The following GRIK2 variants were observed in gnomAD, a reference collection of about 807,000 sequenced individuals.
GRIK2 encodes the protein glutamate receptor ionotropic, kainate 2.
In GRIK2, 32 loss-of-function variants were observed where a neutral mutation model predicts 100.3. The observed-to-expected ratio is 0.32, with a 90% CI of 0.24 to 0.43. The LOEUF is 0.43. Ranked by LOEUF, GRIK2 falls within the 20% of genes least tolerant of loss-of-function variation. The pLI, the probability that GRIK2 is intolerant of heterozygous loss-of-function variation, is 1.00. For missense variants in GRIK2, 843 were observed against 1,114.9 expected, an observed-to-expected ratio of 0.76 and a Z score of 3.47; for synonymous variants, 417 against 389.4, an observed-to-expected ratio of 1.07 and a Z score of -0.83.
At chr6:102,034,257 G>A (rs994559423) in intron 14 of GRIK2, among the ~76,000 whole-genome samples, 1 of 151,202 alleles carries the variant, frequency 6.6e-6, no homozygotes, top group Non-Finnish European at 1.5e-5. Context: ...TTGAAACAGT[G>A]CCAGGATTTT....
intron 14 of GRIK2, among the ~76,000 whole-genome samples, chr6:101,998,278 T>C (rs1179410415): frequency 1.3e-5 from 2 of 152,154 alleles, no homozygotes; most frequent in Non-Finnish European, 2.9e-5. Flanking sequence ...TGGACCACAG[T>C]TGACTGCAGG....
chr6:102,026,664 C>G (rs7749722), intron 14 of GRIK2, among the ~76,000 whole-genome samples: 41,254 of 150,964 alleles, frequency 0.27, 6,003 homozygotes, highest in East Asian at 0.34. Context: ...GCTGCCTATC[C>G]TATTATGCTT....
Position 102,056,445 on chromosome 6 carries a change from T to C in GRIK2, c.2562+865T>C, listed in dbSNP as rs572783055. Among the ~76,000 whole-genome samples, 3 of 152,072 alleles carry C rather than the reference T, an allele frequency of 2.0e-5. No homozygotes were observed. The South Asian group carries it at 6.2e-4, about 32-fold the overall frequency. The stretch of plus-strand genomic sequence containing the variant: ...GCTCTGGATATGACAAAACCAACAG[T>C]TTAAAGTCTTCTAGTACATTATTTA... On this transcript the variant is annotated intron_variant, in intron 16 of 16. Coordinates refer to ENST00000369134, the MANE Select transcript of GRIK2 (RefSeq NM_021956.5).
At chr6:101,674,856 A>C (rs1045717440) in intron 4 of GRIK2, among the ~76,000 whole-genome samples, 1 of 152,194 alleles carries the variant, frequency 6.6e-6, no homozygotes, top group African/African-American at 2.4e-5. Flanking sequence ...TTAAAACAAA[A>C]TATACCAAGT....
chr6:101,988,606 G>A (rs1451490495), intron 14 of GRIK2, among the ~76,000 whole-genome samples: 1 of 151,732 alleles, frequency 6.6e-6, no homozygotes, highest in Non-Finnish European at 1.5e-5. Flanking sequence ...TTGCCTCATA[G>A]GCTTATCAGT....
chr6:102,059,618 T>C (rs1401501962), intron 16 of GRIK2, among the ~76,000 whole-genome samples: 2 of 151,122 alleles, frequency 1.3e-5, no homozygotes, highest in Non-Finnish European at 1.5e-5. Context: ...ATATTTATAA[T>C]ATGTTGGCTT....
intron 7 of GRIK2, among the ~76,000 whole-genome samples, chr6:101,719,590 G>A (rs1774330354): frequency 6.6e-6 from 1 of 151,938 alleles, no homozygotes; most frequent in Admixed American, 6.6e-5. Flanking sequence ...AGTTCAGTGG[G>A]CAGTTAGATG....
chr6:102,064,689 T>C (rs1286419739), intron 16 of GRIK2, among the ~76,000 whole-genome samples: 1 of 151,162 alleles, frequency 6.6e-6, no homozygotes, highest in Non-Finnish European at 1.5e-5. Context: ...TTTTGGGCAA[T>C]GTACAGCACA....
chr6:101,447,131 A>C (rs1411291601), intron 2 of GRIK2, among the ~76,000 whole-genome samples: 1 of 151,028 alleles, frequency 6.6e-6, no homozygotes, highest in African/African-American at 2.4e-5. Flanking sequence ...CATTTACTTT[A>C]ATAATAATAG....
intron 10 of GRIK2, among the ~76,000 whole-genome samples, chr6:101,851,625 T>C (rs1223349382): frequency 6.6e-6 from 1 of 151,990 alleles, no homozygotes; most frequent in East Asian, 1.9e-4. Flanking sequence ...GTGCTTTTAT[T>C]TAGAAATGAG....
intron 11 of GRIK2, chr6:101,860,769 A>G (rs1163834890): frequency 1.3e-5 from 2 of 154,216 alleles, no homozygotes; most frequent in Non-Finnish European, 2.9e-5. Flanking sequence ...AGGTTGGTGT[A>G]TAATGAGGCC....
intron 2 of GRIK2, among the ~76,000 whole-genome samples, chr6:101,541,799 T>A (rs1175770087): frequency 6.6e-6 from 1 of 152,048 alleles, no homozygotes; most frequent in African/African-American, 2.4e-5. Context: ...CACTGGATAG[T>A]GATGGAGATG....
chr6:102,011,266 T>G (rs1348023837), intron 14 of GRIK2, among the ~76,000 whole-genome samples: 1 of 152,138 alleles, frequency 6.6e-6, no homozygotes, highest in Non-Finnish European at 1.5e-5. Flanking sequence ...AATCTTAATG[T>G]TGTTTTAGTG....
intron 2 of GRIK2, among the ~76,000 whole-genome samples, chr6:101,444,097 GT>G (rs1465156401): frequency 4.0e-5 from 6 of 151,130 alleles, no homozygotes. Context: ...TTGTTTGTTT[GT>G]TTTTGAGACG....
At chr6:101,680,911 T>G (rs932190791) in intron 5 of GRIK2, among the ~76,000 whole-genome samples, 1 of 152,230 alleles carries the variant, frequency 6.6e-6, no homozygotes, top group Non-Finnish European at 1.5e-5. Context: ...TATTATTTGG[T>G]AATTTGATAC....
intron 7 of GRIK2, among the ~76,000 whole-genome samples, chr6:101,711,608 T>A (rs927745966): frequency 1.3e-5 from 2 of 151,826 alleles, no homozygotes; most frequent in African/African-American, 2.4e-5. Context: ...CCAAACCCTC[T>A]GAAGCAAAGC....
chr6:101,809,655 C>G (rs1781209683), intron 9 of GRIK2, among the ~76,000 whole-genome samples: 1 of 151,986 alleles, frequency 6.6e-6, no homozygotes, highest in Non-Finnish European at 1.5e-5. Flanking sequence ...TCTACGAAAG[C>G]AATTTTAATG....
chr6:101,973,705 A>G, intron 14 of GRIK2, among the ~76,000 whole-genome samples: 1 of 151,954 alleles, frequency 6.6e-6, no homozygotes, highest in East Asian at 1.9e-4. Flanking sequence ...AATTGCCCTA[A>G]ATAGCATTAT....
In GRIK2 at chr6:101,626,424, T is replaced by C. The variant is rs1780443167; in HGVS notation, c.328T>C (p.Ser110Pro). The C allele has an allele frequency of 6.2e-7, 1 of 1,613,656 alleles. No homozygotes were observed. The highest frequency in any genetic ancestry group is 2.2e-5 in the East Asian group (1 of 44,852). The change falls in exon 4 of 17, where the codon TCA becomes CCA. Residue 110 changes from serine to proline, a missense_variant. Transcript: ENST00000369134. ...SLGVAAIFGP[S>P]HSSSANAVQS... ...TGGGGTGGCTGCCATCTTCGGGCCT[T>C]CACACAGCTCATCAGCAAACGCAGT...
Sources: gnomAD v4.1 joint callset for allele counts (sites outside exome capture counted in the v4.1 genomes callset) on GRCh38, gnomAD v4.1.1 for gene constraint, MANE v1.5 for transcripts, NCBI Gene and HGNC (gene_info 2026-07-23, HGNC 2026-07-21) for gene names.